The following DPP10 variants were observed in gnomAD, a reference collection of about 807,000 sequenced individuals.
The protein encoded by DPP10 is inactive dipeptidyl peptidase 10.
A neutral mutation model predicts 120.9 loss-of-function variants in DPP10; 33 were observed. The observed-to-expected ratio is 0.27, with a 90% CI of 0.21 to 0.37. The LOEUF is 0.37. Ranked by LOEUF, DPP10 falls within the 10% of genes least tolerant of loss-of-function variation. The pLI is 1.00. For synonymous variants in DPP10, 337 were observed against 326.1 expected (o/e 1.03, Z -0.36); for missense variants, 816 against 942.8 (o/e 0.87, Z 1.76).
At chr2:114,966,373 A>C (rs1699032731) in intron 1 of DPP10, among the ~76,000 whole-genome samples, 1 of 151,890 alleles carries the variant, frequency 6.6e-6, no homozygotes, top group African/African-American at 2.4e-5. Context: ...ACTTTTTTGC[A>C]CTCCAGTGAA....
chr2:114,891,289 G>GT (rs1692523822), intron 1 of DPP10, among the ~76,000 whole-genome samples: 1 of 152,104 alleles, frequency 6.6e-6, no homozygotes, highest in Non-Finnish European at 1.5e-5. Flanking sequence ...AGGGAAAAAC[G>GT]CACCGTGGGG....
intron 1 of DPP10, among the ~76,000 whole-genome samples, chr2:115,046,239 C>A (rs1032027064): frequency 6.6e-6 from 1 of 152,118 alleles, no homozygotes; most frequent in South Asian, 2.1e-4. Context: ...AGAGCAATGA[C>A]CATGTCAGCA....
At chr2:115,252,107 T>A (rs1363674257) in intron 1 of DPP10, among the ~76,000 whole-genome samples, 1 of 152,256 alleles carries the variant, frequency 6.6e-6, no homozygotes, top group Non-Finnish European at 1.5e-5. Context: ...TCATAAATTA[T>A]AGGATTAATT....
chr2:115,133,145 G>GTGTGTATATA (rs1338395575), intron 1 of DPP10, among the ~76,000 whole-genome samples: 17 of 28,774 alleles, frequency 5.9e-4, no homozygotes, highest in African/African-American at 7.6e-4. Flanking sequence ...GTGTGTGTGT[G>GTGTGTATATA]TATATATATA....
chr2:114,811,979 G>A (rs912056946), intron 1 of DPP10, among the ~76,000 whole-genome samples: 6 of 152,164 alleles, frequency 3.9e-5, no homozygotes, highest in East Asian at 1.9e-4. Context: ...AGCAGGAATG[G>A]TTCGGGGCAC....
intron 2 of DPP10, among the ~76,000 whole-genome samples, chr2:115,327,164 T>G (rs973515709): frequency 2.0e-5 from 3 of 152,108 alleles, no homozygotes; most frequent in African/African-American, 7.2e-5. Context: ...TGATTTTCAG[T>G]GCACTAACAG....
chr2:114,443,915 C>T (rs1336945721), intron 1 of DPP10, among the ~76,000 whole-genome samples: 1 of 152,134 alleles, frequency 6.6e-6, no homozygotes, highest in Admixed American at 6.5e-5. Flanking sequence ...TCAACAATGT[C>T]TCTTCTTCAT....
intron 1 of DPP10, among the ~76,000 whole-genome samples, chr2:115,103,895 A>G (rs2048821036): frequency 6.6e-6 from 1 of 152,116 alleles, no homozygotes; most frequent in Non-Finnish European, 1.5e-5. Context: ...AGTGTTTTGG[A>G]TTTCATATTT....
At chr2:115,693,202 A>T (rs918014333) in intron 7 of DPP10, among the ~76,000 whole-genome samples, 9 of 152,234 alleles carry the variant, frequency 5.9e-5, no homozygotes, top group Non-Finnish European at 1.2e-4. Flanking sequence ...TCTGTAATCT[A>T]TCCCACTATG....
intron 1 of DPP10, chr2:115,297,195 G>C (rs2060925057): frequency 4.4e-6 from 1 of 227,644 alleles, no homozygotes; most frequent in African/African-American, 2.3e-5. Context: ...TAGGTTTTGT[G>C]ACATGCTGGC....
At chr2:115,428,360 C>G (rs1454482738) in intron 3 of DPP10, among the ~76,000 whole-genome samples, 1 of 152,122 alleles carries the variant, frequency 6.6e-6, no homozygotes, top group Admixed American at 6.5e-5. Flanking sequence ...TCTTGCTTTG[C>G]TATTAGAAAT....
At chr2:114,869,393 C>G (rs994915968) in intron 1 of DPP10, among the ~76,000 whole-genome samples, 1 of 152,110 alleles carries the variant, frequency 6.6e-6, no homozygotes, top group African/African-American at 2.4e-5. Context: ...TCATATGCAA[C>G]AAGTTATATG....
chr2:115,121,382 C>T (rs951060417), intron 1 of DPP10, among the ~76,000 whole-genome samples: 4 of 152,206 alleles, frequency 2.6e-5, no homozygotes, highest in Non-Finnish European at 4.4e-5. Context: ...AGGCAGCTCT[C>T]GAACCCAAAA....
intron 1 of DPP10, among the ~76,000 whole-genome samples, chr2:114,810,474 C>G (rs12473410): frequency 0.084 from 12,724 of 152,142 alleles, 684 homozygotes; most frequent in South Asian, 0.11. Context: ...AATAAATAAG[C>G]CTTGGGCCAA....
At chr2:114,591,854 T>C (rs1372716575) in intron 1 of DPP10, among the ~76,000 whole-genome samples, 1 of 152,084 alleles carries the variant, frequency 6.6e-6, no homozygotes, top group African/African-American at 2.4e-5. Context: ...GCCAACCTCT[T>C]CCTATTCTAT....
chr2:114,805,486 G>A (rs1201622064), intron 1 of DPP10, among the ~76,000 whole-genome samples: 1 of 152,184 alleles, frequency 6.6e-6, no homozygotes, highest in Non-Finnish European at 1.5e-5. Flanking sequence ...CCTGTCCCCT[G>A]CAGCAGATGC....
intron 3 of DPP10, among the ~76,000 whole-genome samples, chr2:115,397,884 A>G (rs369064043): frequency 3.3e-5 from 5 of 152,152 alleles, no homozygotes; most frequent in African/African-American, 7.2e-5. Flanking sequence ...TTCTTGACCA[A>G]TGCTCCTTGT....
intron 2 of DPP10, among the ~76,000 whole-genome samples, chr2:115,329,314 A>G (rs1559430564): frequency 6.6e-6 from 1 of 152,062 alleles, no homozygotes; most frequent in Non-Finnish European, 1.5e-5. Flanking sequence ...TTGGAAATAT[A>G]CTCAGATAGG....
At chr2:115,327,989 G>A (rs1020731171) in intron 2 of DPP10, among the ~76,000 whole-genome samples, 5 of 151,932 alleles carry the variant, frequency 3.3e-5, no homozygotes, top group South Asian at 2.1e-4. Flanking sequence ...TAATGTCTTC[G>A]TGTTATTATG....
Sources: allele counts gnomAD v4.1 joint callset (sites outside exome capture counted in the v4.1 genomes callset), GRCh38; gene constraint gnomAD v4.1.1; transcripts MANE v1.5; gene names NCBI Gene and HGNC (gene_info 2026-07-23, HGNC 2026-07-21).